SGMS1: variants seen among roughly 807,000 people sequenced by gnomAD.
SGMS1 encodes the protein sphingomyelin synthase 1.
In SGMS1, 13 loss-of-function variants were observed where a neutral mutation model predicts 46.2. That is an observed-to-expected ratio of 0.28 (90% CI 0.18 to 0.45). The LOEUF (loss-of-function observed/expected upper bound fraction) is 0.45, where lower values mean the gene tolerates loss of function less well. Ranked by LOEUF, SGMS1 falls within the 20% of genes least tolerant of loss-of-function variation. SGMS1 has a pLI of 1.00. For missense variants in SGMS1, 324 were observed against 519.9 expected, an observed-to-expected ratio of 0.62 and a Z score of 3.66; for synonymous variants, 203 against 187.8, an observed-to-expected ratio of 1.08 and a Z score of -0.66.
intron 1 of SGMS1, among the ~76,000 whole-genome samples, chr10:50,610,003 G>A (rs1345335023): frequency 1.3e-5 from 2 of 152,132 alleles, no homozygotes; most frequent in African/African-American, 2.4e-5. Context: ...GCTCCAAGGG[G>A]CCTCTGTGCT....
At chr10:50,443,472 T>C (rs1236032638) in intron 5 of SGMS1, among the ~76,000 whole-genome samples, 1 of 151,446 alleles carries the variant, frequency 6.6e-6, no homozygotes. Context: ...GAAACAGGTG[T>C]CCAGAAAACA....
chr10:50,473,093 T>G (rs1003476431), intron 3 of SGMS1, among the ~76,000 whole-genome samples: 2 of 152,150 alleles, frequency 1.3e-5, no homozygotes, highest in Admixed American at 6.5e-5. Flanking sequence ...ACTACCAACA[T>G]GTTTAACTAA....
chr10:50,392,135 C>T (rs912664018), intron 6 of SGMS1, among the ~76,000 whole-genome samples: 2 of 151,144 alleles, frequency 1.3e-5, no homozygotes, highest in Non-Finnish European at 2.9e-5. Context: ...CCCCATGACA[C>T]GCAATTTACC....
chr10:50,506,669 G>A (rs1211956965), intron 3 of SGMS1, among the ~76,000 whole-genome samples: 3 of 152,170 alleles, frequency 2.0e-5, no homozygotes, highest in Non-Finnish European at 4.4e-5. Context: ...AAAGGGATGT[G>A]CTGCTTGTCC....
intron 1 of SGMS1, among the ~76,000 whole-genome samples, chr10:50,603,410 T>A (rs867172178): frequency 2.6e-5 from 4 of 152,230 alleles, no homozygotes; most frequent in Non-Finnish European, 5.9e-5. Context: ...CATTTAACCA[T>A]GATGCACACC....
chr10:50,446,903 C>G (rs907030398), intron 5 of SGMS1, among the ~76,000 whole-genome samples: 6 of 152,154 alleles, frequency 3.9e-5, no homozygotes, highest in African/African-American at 1.2e-4. Flanking sequence ...GAGATATGGT[C>G]TCTCACAGGT....
intron 1 of SGMS1, among the ~76,000 whole-genome samples, chr10:50,609,957 T>G (rs7067552): frequency 0.77 from 116,340 of 152,062 alleles, 45,430 homozygotes; most frequent in African/African-American, 0.93. Flanking sequence ...CTATCTTCAG[T>G]ACCCATCAGA....
chr10:50,618,369 T>C (rs971242877), intron 1 of SGMS1, among the ~76,000 whole-genome samples: 3 of 152,128 alleles, frequency 2.0e-5, no homozygotes, highest in African/African-American at 2.4e-5. Flanking sequence ...ATATCAAAAC[T>C]AAAAATTTCT....
chr10:50,316,091 G>T (rs769711048), intron 8 of SGMS1, among the ~76,000 whole-genome samples: 2 of 152,182 alleles, frequency 1.3e-5, no homozygotes, highest in Non-Finnish European at 2.9e-5. Flanking sequence ...CCATCATTCA[G>T]TTTGCAGATG....
At chr10:50,353,354 C>A (rs1056625856) in intron 6 of SGMS1, among the ~76,000 whole-genome samples, 2 of 152,296 alleles carry the variant, frequency 1.3e-5, no homozygotes, top group Admixed American at 6.5e-5. Context: ...ATTATCTCAA[C>A]AGATGCAGAA....
intron 2 of SGMS1, among the ~76,000 whole-genome samples, chr10:50,531,469 G>A (rs1837952895): frequency 6.6e-6 from 1 of 151,890 alleles, no homozygotes; most frequent in African/African-American, 2.4e-5. Flanking sequence ...ACACGTGTTT[G>A]GTACATAATC....
At chr10:50,524,541 A>T (rs1837884131) in intron 2 of SGMS1, among the ~76,000 whole-genome samples, 1 of 152,204 alleles carries the variant, frequency 6.6e-6, no homozygotes, top group Admixed American at 6.5e-5. Context: ...CACCTTTATA[A>T]TAAATAAACT....
At chr10:50,406,216 C>G (rs937323318) in intron 6 of SGMS1, among the ~76,000 whole-genome samples, 2 of 152,130 alleles carry the variant, frequency 1.3e-5, no homozygotes, top group African/African-American at 2.4e-5. Flanking sequence ...TTTCCATTTG[C>G]TAGCTGACAT....
chr10:50,356,084 G>C (rs1489004516), intron 6 of SGMS1, among the ~76,000 whole-genome samples: 1 of 152,216 alleles, frequency 6.6e-6, no homozygotes, highest in Non-Finnish European at 1.5e-5. Flanking sequence ...TTGAGAACGG[G>C]CCATGATGAC....
At chr10:50,427,396 C>A (rs1564910667) in intron 6 of SGMS1, among the ~76,000 whole-genome samples, 1 of 152,144 alleles carries the variant, frequency 6.6e-6, no homozygotes, top group African/African-American at 2.4e-5. Flanking sequence ...GAGACTCCGT[C>A]ACAACAACAA....
intron 2 of SGMS1, among the ~76,000 whole-genome samples, chr10:50,577,167 G>C (rs2131869302): frequency 6.6e-6 from 1 of 152,308 alleles, no homozygotes; most frequent in East Asian, 1.9e-4. Context: ...GCTTGGGCTG[G>C]AGCTTTAAAA....
intron 6 of SGMS1, among the ~76,000 whole-genome samples, chr10:50,415,689 C>G (rs923055987): frequency 1.6e-4 from 24 of 152,194 alleles, no homozygotes; most frequent in African/African-American, 5.6e-4. Context: ...CAGATGGACT[C>G]TCTCAGAAAT....
intron 2 of SGMS1, among the ~76,000 whole-genome samples, chr10:50,586,763 T>A (rs1564438491): frequency 6.6e-6 from 1 of 152,162 alleles, no homozygotes; most frequent in African/African-American, 2.4e-5. Context: ...CTGTCTAGAT[T>A]CCTCCCTCAT....
At position 50,486,832 on chromosome 10, in the gene SGMS1, C is replaced by A. The variant is rs143332141; in HGVS notation, c.-497-19900G>T. Among the ~76,000 whole-genome samples the A allele has an allele frequency of 4.8e-3, 726 of 152,296 alleles. 4 individuals carry two copies. Among genetic ancestry groups the A allele is most frequent in the African/African-American group, 0.014 (588 of 41,546 alleles). ...GATATATACCCAAAGGAATATAAAT[C>A]ATTCTATTATAAAGATACATGCATG... On this transcript the variant is annotated intron_variant, in intron 3 of 10. Coordinates refer to ENST00000361781, the MANE Select transcript of SGMS1 (RefSeq NM_147156.4).
Sources: gnomAD v4.1 joint callset for allele counts (sites outside exome capture counted in the v4.1 genomes callset) on GRCh38, gnomAD v4.1.1 for gene constraint, MANE v1.5 for transcripts, NCBI Gene and HGNC (gene_info 2026-07-23, HGNC 2026-07-21) for gene names.